The following NECTIN1 variants were observed in gnomAD, a reference collection of about 807,000 sequenced individuals.
The protein encoded by NECTIN1 is nectin-1.
Under a neutral mutation model 48.0 loss-of-function variants are expected in NECTIN1, and 23 were observed. The ratio of observed to expected loss-of-function variants is 0.48; its 90% confidence interval spans 0.34 to 0.68. NECTIN1 has a LOEUF of 0.68. Ranked by LOEUF, NECTIN1 falls within the 30% of genes least tolerant of loss-of-function variation. NECTIN1 has a pLI of 0.01. For synonymous variants in NECTIN1, 270 were observed against 288.9 expected (o/e 0.93, Z 0.66); for missense variants, 591 against 709.9 (o/e 0.83, Z 1.90).
rs1464359054 is a variant in NECTIN1 at position 119,645,050 on chromosome 11, C to T, written c.1004-5038G>A. Among the ~76,000 whole-genome samples the T allele has an allele frequency of 2.6e-5, 4 of 152,198 alleles. 1 individual carries two copies. In the South Asian group the frequency reaches 8.3e-4, roughly 31 times the overall value. On this transcript the variant is annotated intron_variant, in intron 5 of 7. Coordinates refer to the NECTIN1 transcript ENST00000341398. Reference sequence around the variant, plus strand: ...CCAGGGCAGCCACTTGGCACTTCTGCCCCTGAAGCTGTCCTGGGTTGGTCT... The same window carrying T: ...CCAGGGCAGCCACTTGGCACTTCTGTCCCTGAAGCTGTCCTGGGTTGGTCT...
chr11:119,706,686 CA>C (rs1865553088), intron 1 of NECTIN1, among the ~76,000 whole-genome samples: 1 of 152,238 alleles, frequency 6.6e-6, no homozygotes, highest in Non-Finnish European at 1.5e-5. Context: ...CAAAAGAGGG[CA>C]GGGGCCTTGG....
In NECTIN1 at chr11:119,663,352, T is replaced by C. The variant is rs1328761423; in HGVS notation, c.*1395A>G. On this transcript the variant is annotated 3_prime_UTR_variant, in exon 6 of 6. Coordinates refer to ENST00000264025, the MANE Select transcript of NECTIN1 (RefSeq NM_002855.5). ...ATTATATACATGGGAAGACCCAGTC[T>C]GGGGTGGCTGATAGGAACTCAATGT... The C allele has an allele frequency of 1.0e-6, 1 of 985,290 alleles. No homozygotes were observed. Among genetic ancestry groups the C allele is most frequent in the Admixed American group, 6.1e-5 (1 of 16,268 alleles). 61.0% of individuals were successfully genotyped at this position (985,290 alleles called of 1,614,324 possible).
At chr11:119,703,307 C>T (rs916976310) in intron 1 of NECTIN1, among the ~76,000 whole-genome samples, 14 of 152,200 alleles carry the variant, frequency 9.2e-5, no homozygotes, top group Non-Finnish European at 1.9e-4. Flanking sequence ...TGCTGGAGGC[C>T]CAAGTAGTCA....
At chr11:119,699,681 C>G (rs1865409834) in intron 1 of NECTIN1, among the ~76,000 whole-genome samples, 1 of 152,226 alleles carries the variant, frequency 6.6e-6, no homozygotes, top group South Asian at 2.1e-4. Flanking sequence ...GAAAGACGCT[C>G]AGGTGCATTC....
chr11:119,660,441 G>T (rs1858616544), downstream of NECTIN1, among the ~76,000 whole-genome samples: 1 of 152,132 alleles, frequency 6.6e-6, no homozygotes, highest in Non-Finnish European at 1.5e-5. Context: ...AGAGCTTGCA[G>T]GGGATGGGGC....
Position 119,728,692 on chromosome 11 carries a change from GGC to G in NECTIN1, c.-141_-140del. On this transcript the variant is annotated 5_prime_UTR_variant, in exon 1 of 6. Transcript: ENST00000264025. ...CAGGTCAGCTGCAGCCGTCGGCCGG[GGC>G]GGGGTGGGCTGGGTGGGATCCGCGC... 4.3e-6 allele frequency: 2 copies of G among 466,602 alleles called. No homozygotes were observed. The highest frequency in any genetic ancestry group is 3.5e-5 in the South Asian group (1 of 28,884). The allele number at this position is 466,602 out of a possible 1,614,324, so 28.9% of individuals were successfully genotyped here.
At chr11:119,674,822 A>C (rs923788824) in intron 5 of NECTIN1, among the ~76,000 whole-genome samples, 24 of 152,112 alleles carry the variant, frequency 1.6e-4, no homozygotes, top group African/African-American at 5.1e-4. Context: ...ACCTATCCCC[A>C]CCATGCCAGC....
At chr11:119,703,948 G>A (rs909817445) in intron 1 of NECTIN1, among the ~76,000 whole-genome samples, 2 of 152,170 alleles carry the variant, frequency 1.3e-5, no homozygotes, top group African/African-American at 4.8e-5. Flanking sequence ...GGAGAGAGTG[G>A]CCTTTATCAT....
chr11:119,648,718 G>C (rs917442523), intron 5 of NECTIN1, among the ~76,000 whole-genome samples: 1 of 152,036 alleles, frequency 6.6e-6, no homozygotes, highest in Non-Finnish European at 1.5e-5. Flanking sequence ...GGAGGGCTGT[G>C]GGAGTGTCTG....
At position 119,663,109 on chromosome 11, in the gene NECTIN1, C is replaced by T. The variant is rs2135540948; in HGVS notation, c.*1638G>A. Reference sequence around the variant, plus strand: ...GGGCACAGAGTGGTCTGCCTCCCTCCTCCCCAACACTTGCCATCCTGCAGA... The same window carrying T: ...GGGCACAGAGTGGTCTGCCTCCCTCTTCCCCAACACTTGCCATCCTGCAGA... On this transcript the variant is annotated 3_prime_UTR_variant, in exon 6 of 6. Transcript: ENST00000264025. The T allele has an allele frequency of 1.0e-6, 1 of 985,502 alleles. No homozygotes were observed. Among genetic ancestry groups the T allele is most frequent in the South Asian group, 4.7e-5 (1 of 21,294 alleles). 61.0% of individuals were successfully genotyped at this position (985,502 alleles called of 1,614,324 possible).
chr11:119,647,158 CGCATGTGTGTGTGTGTGTGTGT>C (rs1175111630), intron 5 of NECTIN1, among the ~76,000 whole-genome samples: 11 of 91,694 alleles, frequency 1.2e-4, no homozygotes, highest in African/African-American at 4.7e-4. Context: ...GAGCTTGCGG[CGCATGTGTGTGTGTGTGTGTGT>C]GTGTGTGTGT....
At chr11:119,717,382 CAG>C (rs1366471364) in intron 1 of NECTIN1, among the ~76,000 whole-genome samples, 2 of 152,220 alleles carry the variant, frequency 1.3e-5, no homozygotes, top group South Asian at 2.1e-4. Context: ...ACCATAAAGA[CAG>C]GGAATAAATC....
intron 5 of NECTIN1, among the ~76,000 whole-genome samples, chr11:119,666,392 T>C (rs1864771351): frequency 6.6e-6 from 1 of 152,146 alleles, no homozygotes; most frequent in African/African-American, 2.4e-5. Context: ...GAGAGAAGGC[T>C]GGGTGGGTGG....
chr11:119,648,848 G>C (rs1464076641), intron 5 of NECTIN1, among the ~76,000 whole-genome samples: 4 of 152,122 alleles, frequency 2.6e-5, no homozygotes, highest in Non-Finnish European at 4.4e-5. Flanking sequence ...AGTGGGTCTA[G>C]GTGGCCCTGA....
At chr11:119,702,907 C>G (rs551540511) in intron 1 of NECTIN1, among the ~76,000 whole-genome samples, 2 of 152,284 alleles carry the variant, frequency 1.3e-5, no homozygotes, top group African/African-American at 2.4e-5. Flanking sequence ...ATTCTTCGTG[C>G]CTTGAGTAAC....
intron 1 of NECTIN1, among the ~76,000 whole-genome samples, chr11:119,714,135 G>C (rs1865708190): frequency 1.3e-5 from 2 of 152,154 alleles, no homozygotes; most frequent in African/African-American, 2.4e-5. Flanking sequence ...GAAGCAAAGA[G>C]GCAGGAGCGG....
At chr11:119,696,875 C>T (rs1865348690) in intron 1 of NECTIN1, among the ~76,000 whole-genome samples, 1 of 152,202 alleles carries the variant, frequency 6.6e-6, no homozygotes, top group Non-Finnish European at 1.5e-5. Flanking sequence ...TAGGGAAGAA[C>T]CAATGCTGAG....
chr11:119,705,058 A>G (rs923700620), intron 1 of NECTIN1, among the ~76,000 whole-genome samples: 2 of 152,202 alleles, frequency 1.3e-5, no homozygotes, highest in African/African-American at 4.8e-5. Context: ...AAAGCTCTGC[A>G]GGATGATAAG....
intron 1 of NECTIN1, among the ~76,000 whole-genome samples, chr11:119,690,936 C>T (rs1195362882): frequency 1.3e-5 from 2 of 152,194 alleles, no homozygotes; most frequent in Non-Finnish European, 2.9e-5. Context: ...ATTCTCTCCC[C>T]TGGCCAATGG....
Sources: allele counts gnomAD v4.1 joint callset (sites outside exome capture counted in the v4.1 genomes callset), GRCh38; gene constraint gnomAD v4.1.1; transcripts MANE v1.5; gene names NCBI Gene and HGNC (gene_info 2026-07-23, HGNC 2026-07-21).